C21orf58: variants seen among roughly 807,000 people sequenced by gnomAD.
The protein encoded by C21orf58 is uncharacterized protein C21orf58.
C21orf58 carries 34 observed loss-of-function variants against 35.8 expected under a neutral mutation model. The ratio of observed to expected loss-of-function variants is 0.95; its 90% CI spans 0.72 to 1.26. C21orf58 has a LOEUF of 1.26. Among genes scored for constraint, C21orf58 ranks in the 50% most tolerant of loss-of-function variants. The pLI, the probability that C21orf58 is intolerant of heterozygous loss-of-function variation, is 0.00. For synonymous variants in C21orf58, 191 were observed against 175.8 expected, an observed-to-expected ratio of 1.09 and a Z score of -0.68; for missense variants, 440 against 414.3, an observed-to-expected ratio of 1.06 and a Z score of -0.54.
At chr21:46,303,676 CTACACA>C (rs2082226543) in intron 6 of C21orf58, among the ~76,000 whole-genome samples, 1 of 64,768 alleles carries the variant, frequency 1.5e-5, no homozygotes, top group Non-Finnish European at 3.1e-5. Context: ...GACCTCATCT[CTACACA>C]CACACACACA....
In C21orf58 at chr21:46,317,215, G is replaced by A. The variant is rs750043834; in HGVS notation, c.363C>T (p.Leu121=). The A allele has an allele frequency of 8.7e-6, 14 of 1,610,660 alleles. No individual in the cohort carries two copies. The highest frequency in any genetic ancestry group is 4.5e-5 in the East Asian group (2 of 44,852). The change falls in exon 3 of 8, where the codon CTC becomes CTT. Residue 121 remains leucine, a synonymous_variant. Transcript: ENST00000291691. ...CAGCCCAGGGGCTCTCACCTGGCTCGAGGTGGAGGCCCTCAGGTCCCCCTT... is the reference window on the plus strand; with the variant it reads ...CAGCCCAGGGGCTCTCACCTGGCTCAAGGTGGAGGCCCTCAGGTCCCCCTT... ...NVEGGPEGLH[L]EPGNEDRPDD...
At position 46,311,510 on chromosome 21, in the gene C21orf58, G is replaced by A. The variant is rs750229399; in HGVS notation, c.667C>T (p.Gln223Ter). 6 of 1,612,732 alleles carry A rather than the reference G, an allele frequency of 3.7e-6. No homozygotes were observed. In the South Asian group the frequency reaches 6.6e-5, roughly 18 times the overall value. ...GGGAAGGCCTGGGGAGGAGGAATCT[G>A]TGCTATGAGTGGCTGCTGAGGGAGC... ...QQLPQQPLIA[Q>*]IPPPQAFPTQ... Residue 223 changes from glutamine to a stop codon, truncating the protein, a stop_gained, in exon 6 of 8, where the codon CAG becomes TAG. Transcript: ENST00000291691. LOFTEE classifies it high-confidence loss of function.
Position 46,314,775 on chromosome 21 carries a change from G to A in C21orf58, c.550C>T (p.Leu184=). 1 of 1,522,554 alleles carries A rather than the reference G, an allele frequency of 6.6e-7. No homozygotes were observed. The highest frequency in any genetic ancestry group is 8.9e-7 in the Non-Finnish European group (1 of 1,128,696). 94.3% of individuals were successfully genotyped at this position (1,522,554 alleles called of 1,614,324 possible). A position where few individuals can be genotyped will look rare whatever the true frequency, so the allele number is the denominator to read the frequency against. Residue 184 remains leucine (L), a synonymous_variant, in exon 5 of 8, where the codon CTA becomes TTA. Coordinates refer to ENST00000291691, the MANE Select transcript of C21orf58 (RefSeq NM_058180.5). ...AGCGGGGATGGGGAGGCAGTGGGTA[G>A]GATGCCCGTGGGGGGCAGCTCTGGG... ...LPPELPPTGI[L]PTASPSPLAP...
intron 1 of C21orf58, 146 bp downstream of exon 1, chr21:46,322,493 A>G (rs1031220636): frequency 3.1e-6 from 4 of 1,273,504 alleles, no homozygotes; most frequent in Non-Finnish European, 4.0e-6. Flanking sequence ...CTGTTCCTGG[A>G]AAGTGTGATC....
chr21:46,317,022 G>T (rs548492478), intron 3 of C21orf58, among the ~76,000 whole-genome samples, 186 bp downstream of exon 3: 1 of 152,334 alleles, frequency 6.6e-6, no homozygotes, highest in Non-Finnish European at 1.5e-5. Flanking sequence ...GACTAAAGGT[G>T]ATAAGGAATG....
chr21:46,318,125 C>T lies in C21orf58; in HGVS notation c.196G>A (p.Gly66Arg). The change falls in exon 2 of 8, where the codon GGA (glycine) becomes AGA (arginine). Residue 66 changes from glycine (G) to arginine (R), a missense_variant. By Grantham distance (125) the Gly-to-Arg change is moderately radical (BLOSUM62 -2). Coordinates refer to ENST00000291691, the MANE Select transcript of C21orf58 (RefSeq NM_058180.5). ...GGCAGGGGAGGCCACAGCCCACCTC[C>T]CTCCCTGGTTCTGTTACTCGCAGGA... is the stretch of plus-strand genomic sequence containing the variant. The part of the protein sequence containing the change: ...FFPASNRTRE[G>R]GGLWPPLPLQ... 1 of 1,613,172 alleles carries T rather than the reference C, an allele frequency of 6.2e-7. No homozygotes were observed. Among genetic ancestry groups the T allele is most frequent in the Non-Finnish European group, 8.5e-7 (1 of 1,180,022 alleles).
chr21:46,319,694 C>G (rs749768486), intron 1 of C21orf58, among the ~76,000 whole-genome samples: 1 of 151,548 alleles, frequency 6.6e-6, no homozygotes, highest in South Asian at 2.1e-4. Flanking sequence ...GTCAGGAGGT[C>G]GAGACAACCT....
chr21:46,300,612 G>A (rs1427711378), downstream of C21orf58: 20 of 1,192,086 alleles, frequency 1.7e-5, no homozygotes, highest in African/African-American at 8.0e-5. Flanking sequence ...CAGTAGCTGC[G>A]CTGGGCCCTT....
intron 6 of C21orf58, among the ~76,000 whole-genome samples, chr21:46,306,634 C>T (rs1176539241): frequency 6.6e-6 from 1 of 152,204 alleles, no homozygotes; most frequent in Non-Finnish European, 1.5e-5. Context: ...CTTGCCCAGA[C>T]TGCAGTACAG....
intron 5 of C21orf58, among the ~76,000 whole-genome samples, chr21:46,312,265 G>A (rs73373837): frequency 0.041 from 6,257 of 152,210 alleles, 317 homozygotes; most frequent in African/African-American, 0.12. Context: ...GGGGTGGGCT[G>A]AGGCCTGGTT....
Position 46,318,231 on chromosome 21 carries a change from A to T in C21orf58, c.101-11T>A. On this transcript the variant is annotated splice_polypyrimidine_tract_variant and intron_variant, in intron 1 of 7. Transcript: ENST00000291691. ...CTCCTGGAGACCAGCCTGAGGGAAG[A>T]GAAGAGCCCTGTGGGAAGATAGCCA... 1 of 1,611,320 alleles carries T rather than the reference A, an allele frequency of 6.2e-7. No individual in the cohort carries two copies. Among genetic ancestry groups the T allele is most frequent in the Non-Finnish European group, 8.5e-7 (1 of 1,179,910 alleles).
intron 2 of C21orf58, 122 bp downstream of exon 2, chr21:46,317,890 C>A: frequency 9.1e-7 from 1 of 1,103,966 alleles, no homozygotes; most frequent in Non-Finnish European, 1.3e-6. Context: ...CGCTGGGCTG[C>A]CAGCCCCAGG....
At chr21:46,318,392 C>CCCAGGTGTGG in intron 1 of C21orf58, 172 bp from the exon 2 acceptor site, 1 of 1,437,208 alleles carries the variant, frequency 7.0e-7, no homozygotes, top group Non-Finnish European at 9.1e-7. Context: ...AACACTCATC[C>CCCAGGTGTGG]CCAGGTGTGG....
Position 46,314,890 on chromosome 21 carries a change from C to T in C21orf58, c.445-10G>A, listed in dbSNP as rs1288041427. 7.7e-6 allele frequency: 12 copies of T among 1,550,278 alleles called. No individual in the cohort carries two copies. Among genetic ancestry groups the T allele is most frequent in the Middle Eastern group, 1.7e-4 (1 of 6,014 alleles). On this transcript the variant is annotated splice_polypyrimidine_tract_variant and intron_variant, in intron 4 of 7. Coordinates refer to ENST00000291691, the MANE Select transcript of C21orf58 (RefSeq NM_058180.5). ...CCAGGAGGTGTTGTTCCTGCAAGGCCGATGCAGAGCTGCTGCACACGGGGA... is the reference window on the plus strand; with the variant it reads ...CCAGGAGGTGTTGTTCCTGCAAGGCTGATGCAGAGCTGCTGCACACGGGGA...
chr21:46,320,965 A>G lies in C21orf58; in HGVS notation c.100+1674T>C, dbSNP rs141363066. 4.5e-3 allele frequency: 692 copies of G among 152,330 alleles called. 5 individuals carry two copies. The highest frequency in any genetic ancestry group is 6.8e-3 in the Non-Finnish European group (462 of 68,040). 9.4% of individuals were successfully genotyped at this position (152,330 alleles called of 1,614,324 possible). Reference sequence around the variant, plus strand: ...ACTGCCAAGTGAATGGGAAGCACTAAGAATTGCCTCCTCGGGATCTCTAGT... The same window carrying G: ...ACTGCCAAGTGAATGGGAAGCACTAGGAATTGCCTCCTCGGGATCTCTAGT... On this transcript the variant is annotated intron_variant, in intron 1 of 7. Coordinates refer to ENST00000291691, the MANE Select transcript of C21orf58 (RefSeq NM_058180.5).
At chr21:46,318,502 A>G (rs1601705173) in intron 1 of C21orf58, 12 of 1,328,314 alleles carry the variant, frequency 9.0e-6, no homozygotes, top group Non-Finnish European at 1.2e-5. Context: ...CCCCCTATGC[A>G]CCACCAGCCT....
At chr21:46,313,511 C>G (rs914846093) in intron 5 of C21orf58, among the ~76,000 whole-genome samples, 12 of 152,200 alleles carry the variant, frequency 7.9e-5, no homozygotes, top group African/African-American at 2.9e-4. Flanking sequence ...GCTCACCCAC[C>G]TGGTGTCACT....
intron 4 of C21orf58, chr21:46,315,211 T>G: frequency 8.2e-6 from 5 of 609,880 alleles, no homozygotes; most frequent in African/African-American, 1.8e-5. Context: ...CGGATGCATC[T>G]TTGGTGAGTG....
chr21:46,322,541 T>C, intron 1 of C21orf58, 98 bp downstream of exon 1: 1 of 1,317,332 alleles, frequency 7.6e-7, no homozygotes, highest in East Asian at 3.0e-5. Flanking sequence ...CTGTGTTGCC[T>C]GCCTGGCCCC....
Sources: allele counts gnomAD v4.1 joint callset (sites outside exome capture counted in the v4.1 genomes callset), GRCh38; gene constraint gnomAD v4.1.1; transcripts MANE v1.5; gene names NCBI Gene and HGNC (gene_info 2026-07-23, HGNC 2026-07-21).